Variants in EVI5 observed in about 807,000 individuals in gnomAD.
EVI5 encodes ecotropic viral integration site 5 protein homolog.
EVI5 carries 73 observed loss-of-function variants against 112.0 expected under a neutral mutation model. That is an observed-to-expected ratio of 0.65 (90% CI 0.54 to 0.79). The LOEUF is 0.79. EVI5 is among the 30% of genes least tolerant of loss of function. EVI5 has a pLI of 0.00. For missense variants in EVI5, 900 were observed against 968.8 expected (o/e 0.93, Z 0.94); for synonymous variants, 305 against 319.9 (o/e 0.95, Z 0.50).
chr1:92,681,732 G>A (rs1038180060), intron 9 of EVI5, among the ~76,000 whole-genome samples: 5 of 152,114 alleles, frequency 3.3e-5, no homozygotes, highest in South Asian at 2.1e-4. Flanking sequence ...TGACAATGAC[G>A]AAAACGTGCT....
intron 18 of EVI5, among the ~76,000 whole-genome samples, chr1:92,577,447 G>C (rs1671252065): frequency 6.6e-6 from 1 of 152,236 alleles, no homozygotes; most frequent in South Asian, 2.1e-4. Flanking sequence ...ACTTGATGCT[G>C]CAGGGTAGCA....
intron 13 of EVI5, among the ~76,000 whole-genome samples, chr1:92,652,106 CAACA>C (rs1662238042): frequency 6.6e-6 from 1 of 152,202 alleles, no homozygotes; most frequent in South Asian, 2.1e-4. Context: ...AAATGTCCAT[CAACA>C]AACAAACGGA....
intron 1 of EVI5, among the ~76,000 whole-genome samples, chr1:92,754,837 T>C (rs1014438305): frequency 1.3e-5 from 2 of 152,126 alleles, no homozygotes; most frequent in Admixed American, 6.5e-5. Flanking sequence ...AGCATAAATA[T>C]AAGGAAGTGG....
At chr1:92,636,750 A>G (rs866390182) in intron 13 of EVI5, among the ~76,000 whole-genome samples, 1 of 152,234 alleles carries the variant, frequency 6.6e-6, no homozygotes, top group South Asian at 2.1e-4. Context: ...AAAACAAGTT[A>G]TAAGTATAAA....
At chr1:92,572,929 C>T (rs1250056586) in intron 18 of EVI5, among the ~76,000 whole-genome samples, 2 of 152,014 alleles carry the variant, frequency 1.3e-5, no homozygotes, top group Non-Finnish European at 2.9e-5. Context: ...TGATTAGTTG[C>T]AAGTTGGAGC....
intron 10 of EVI5, among the ~76,000 whole-genome samples, chr1:92,666,375 A>ACATG (rs1188024650): frequency 6.6e-6 from 1 of 151,026 alleles, no homozygotes; most frequent in African/African-American, 2.4e-5. Flanking sequence ...ACACACACAC[A>ACATG]CATGCATGCA....
intron 19 of EVI5, among the ~76,000 whole-genome samples, chr1:92,550,446 G>C (rs1042343800): frequency 4.0e-5 from 6 of 151,388 alleles, no homozygotes; most frequent in African/African-American, 1.2e-4. Context: ...GTATACAAAT[G>C]TAACAAACCT....
chr1:92,641,970 T>G (rs756918310), intron 13 of EVI5, among the ~76,000 whole-genome samples: 55 of 152,138 alleles, frequency 3.6e-4, no homozygotes, highest in Non-Finnish European at 5.4e-4. Context: ...AAACCCCGTC[T>G]CTACTAAAAA....
chr1:92,609,436 C>T (rs1422905274), intron 16 of EVI5, among the ~76,000 whole-genome samples: 1 of 134,312 alleles, frequency 7.4e-6, no homozygotes, highest in Non-Finnish European at 1.6e-5. Context: ...TGGCTCACTG[C>T]AACCTCCACC....
intron 19 of EVI5, among the ~76,000 whole-genome samples, chr1:92,514,902 T>C (rs1038174725): frequency 6.6e-6 from 1 of 152,206 alleles, no homozygotes; most frequent in Non-Finnish European, 1.5e-5. Context: ...AGAGTCTCCA[T>C]CCTGTTATAA....
intron 2 of EVI5, among the ~76,000 whole-genome samples, chr1:92,706,076 A>G (rs538684310): frequency 4.5e-4 from 69 of 152,312 alleles, no homozygotes; most frequent in Middle Eastern, 3.4e-3. Context: ...TCCTTACTGA[A>G]GGAAAATTTA....
intron 2 of EVI5, among the ~76,000 whole-genome samples, chr1:92,734,809 CAT>C (rs941589286): frequency 1.2e-4 from 18 of 152,088 alleles, no homozygotes; most frequent in African/African-American, 4.1e-4. Flanking sequence ...ACTCTCCAAA[CAT>C]AGTAATAAGA....
At chr1:92,608,721 G>GA (rs11382906) in intron 16 of EVI5, among the ~76,000 whole-genome samples, 145,793 of 146,454 alleles carry the variant, frequency 1, 72,569 homozygotes, top group Non-Finnish European at 1. Flanking sequence ...AAAAGGAAAG[G>GA]AAAAAAAAAA....
At position 92,567,371 on chromosome 1, in the gene EVI5, G is replaced by A. The variant is rs940952375; in HGVS notation, c.2071-3634C>T. On this transcript the variant is annotated intron_variant, in intron 18 of 19. Transcript: ENST00000684568. Reference sequence around the variant, plus strand: ...TACTGTGTTTATAAAGTCTACAGTAGTGTGCAGTAATGTAGGCCATTCACT... The same window carrying A: ...TACTGTGTTTATAAAGTCTACAGTAATGTGCAGTAATGTAGGCCATTCACT... 2.0e-4 allele frequency among the ~76,000 whole-genome samples: 31 copies of A among 152,182 alleles called. No individual in the cohort carries two copies. The South Asian group carries it at 3.5e-3, about 17-fold the overall frequency.
chr1:92,718,020 T>A (rs1178661950), intron 2 of EVI5, among the ~76,000 whole-genome samples: 1 of 152,096 alleles, frequency 6.6e-6, no homozygotes, highest in African/African-American at 2.4e-5. Flanking sequence ...ATGCACCCAA[T>A]ACAGGAGCAC....
intron 9 of EVI5, among the ~76,000 whole-genome samples, chr1:92,690,397 G>A (rs1669302867): frequency 6.7e-6 from 1 of 149,238 alleles, no homozygotes; most frequent in Non-Finnish European, 1.5e-5. Context: ...TGCCAAGGCT[G>A]AAGTACAGTG....
At chr1:92,538,827 G>C (rs189618506) in intron 19 of EVI5, among the ~76,000 whole-genome samples, 10 of 152,322 alleles carry the variant, frequency 6.6e-5, no homozygotes, top group Admixed American at 6.5e-4. Flanking sequence ...AAAAGCCTAA[G>C]GCCAGAGAAT....
intron 2 of EVI5, among the ~76,000 whole-genome samples, chr1:92,724,401 A>G (rs575809456): frequency 6.8e-4 from 103 of 152,326 alleles, no homozygotes; most frequent in Non-Finnish European, 1.2e-3. Flanking sequence ...AAAACTTTAT[A>G]TGAAAAATTA....
chr1:92,547,328 C>A (rs1665903794), intron 19 of EVI5, among the ~76,000 whole-genome samples: 1 of 152,192 alleles, frequency 6.6e-6, no homozygotes. Context: ...ATACCAGAAT[C>A]TCTGGGACAC....
Sources: allele counts gnomAD v4.1 joint callset (sites outside exome capture counted in the v4.1 genomes callset), GRCh38; gene constraint gnomAD v4.1.1; transcripts MANE v1.5; gene names NCBI Gene and HGNC (gene_info 2026-07-23, HGNC 2026-07-21).